TEC: variants seen among roughly 807,000 people sequenced by gnomAD.
TEC encodes tec protein tyrosine kinase, also known as tyrosine-protein kinase Tec.
Under a neutral mutation model 93.0 loss-of-function variants are expected in TEC, and 72 were observed. That is an observed-to-expected ratio of 0.77 (90% CI 0.64 to 0.94). The LOEUF (loss-of-function observed/expected upper bound fraction) is 0.94. Among genes scored for constraint, TEC ranks in the 40% least tolerant of loss-of-function variants. TEC has a pLI of 0.00. For synonymous variants in TEC, 249 were observed against 247.7 expected, an observed-to-expected ratio of 1.01 and a Z score of -0.05; for missense variants, 630 against 757.9, an observed-to-expected ratio of 0.83 and a Z score of 1.98.
intron 2 of TEC, among the ~76,000 whole-genome samples, chr4:48,195,921 C>T (rs116207298): frequency 2.3e-3 from 354 of 152,306 alleles, no homozygotes; most frequent in African/African-American, 8.3e-3. Flanking sequence ...CCAATAGCCA[C>T]GCCACTCACT....
chr4:48,240,521 T>G (rs1172696448), intron 1 of TEC, among the ~76,000 whole-genome samples: 1 of 152,024 alleles, frequency 6.6e-6, no homozygotes, highest in Non-Finnish European at 1.5e-5. Flanking sequence ...CTGCGCTACC[T>G]CTTCTCAGAC....
At chr4:48,210,348 T>C (rs765210347) in intron 2 of TEC, among the ~76,000 whole-genome samples, 3 of 151,910 alleles carry the variant, frequency 2.0e-5, no homozygotes, top group Non-Finnish European at 4.4e-5. Context: ...TTAGCAGGAA[T>C]AGTGGCACGT....
intron 2 of TEC, among the ~76,000 whole-genome samples, chr4:48,186,398 G>C (rs1351220145): frequency 9.9e-5 from 15 of 150,806 alleles, no homozygotes; most frequent in African/African-American, 3.7e-4. Flanking sequence ...CCGCCATCCC[G>C]TCTAGGAAGT....
intron 2 of TEC, among the ~76,000 whole-genome samples, chr4:48,225,683 A>G (rs6835999): frequency 0.47 from 70,718 of 151,678 alleles, 16,848 homozygotes; most frequent in East Asian, 0.58. Flanking sequence ...TTAAGAAGCC[A>G]GATTCTTACA....
At chr4:48,167,351 G>T (rs982186890) in intron 7 of TEC, among the ~76,000 whole-genome samples, 1 of 151,642 alleles carries the variant, frequency 6.6e-6, no homozygotes, top group Non-Finnish European at 1.5e-5. Flanking sequence ...GTGAGAAGAG[G>T]CTTCATTATA....
chr4:48,260,638 T>G lies in TEC; in HGVS notation c.-46+9114A>C, dbSNP rs1216253832. Among the ~76,000 whole-genome samples, 7 of 151,744 alleles carry G rather than the reference T, an allele frequency of 4.6e-5. No individual in the cohort carries two copies. In the East Asian group the frequency reaches 1.4e-3, roughly 29 times the overall value. On this transcript the variant is annotated intron_variant, in intron 1 of 17. Coordinates refer to ENST00000381501, the MANE Select transcript of TEC (RefSeq NM_003215.3). ...AAAAAAGAAAAAAAAAATCTAAGTGTCCAACAACTGGGGAGTGGCTCAAAA... is the reference window on the plus strand; with the variant it reads ...AAAAAAGAAAAAAAAAATCTAAGTGGCCAACAACTGGGGAGTGGCTCAAAA...
chr4:48,221,047 G>A (rs1723242279), intron 2 of TEC, among the ~76,000 whole-genome samples: 1 of 152,218 alleles, frequency 6.6e-6, no homozygotes, highest in Non-Finnish European at 1.5e-5. Context: ...ACAGCTCACA[G>A]AACCCAGGGA....
At chr4:48,265,597 C>T (rs1440710804) in intron 1 of TEC, among the ~76,000 whole-genome samples, 1 of 151,016 alleles carries the variant, frequency 6.6e-6, no homozygotes, top group Non-Finnish European at 1.5e-5. Context: ...ACTGCAACCT[C>T]CGCTTCCTGG....
At chr4:48,230,380 C>G (rs1157681216) in intron 1 of TEC, among the ~76,000 whole-genome samples, 3 of 152,168 alleles carry the variant, frequency 2.0e-5, no homozygotes, top group South Asian at 2.1e-4. Flanking sequence ...GGAAAGACCA[C>G]AAGGTCAGTG....
intron 1 of TEC, among the ~76,000 whole-genome samples, chr4:48,267,344 T>C (rs139440478): frequency 6.6e-6 from 1 of 152,304 alleles, no homozygotes; most frequent in Non-Finnish European, 1.5e-5. Context: ...AAATTAATTG[T>C]TACAATCCAA....
At chr4:48,165,480 A>G (rs1181293856) in intron 7 of TEC, among the ~76,000 whole-genome samples, 3 of 152,228 alleles carry the variant, frequency 2.0e-5, no homozygotes. Context: ...CTAAGAAAGA[A>G]TCATTAATGA....
At chr4:48,176,538 T>C (rs1721333629) in intron 2 of TEC, among the ~76,000 whole-genome samples, 1 of 152,052 alleles carries the variant, frequency 6.6e-6, no homozygotes, top group African/African-American at 2.4e-5. Flanking sequence ...CTGGCCAACA[T>C]GGCAAAACCC....
At chr4:48,213,175 C>T (rs550346290) in intron 2 of TEC, among the ~76,000 whole-genome samples, 62 of 152,268 alleles carry the variant, frequency 4.1e-4, no homozygotes, top group African/African-American at 1.4e-3. Flanking sequence ...AACATGTCAT[C>T]TAACTAGGTA....
At chr4:48,178,824 C>T (rs1320823435) in intron 2 of TEC, among the ~76,000 whole-genome samples, 1 of 152,182 alleles carries the variant, frequency 6.6e-6, no homozygotes, top group Non-Finnish European at 1.5e-5. Flanking sequence ...CTACTCTAAC[C>T]CTTCTCCTCT....
chr4:48,185,051 A>AAC (rs368469696), intron 2 of TEC, among the ~76,000 whole-genome samples: 21 of 149,258 alleles, frequency 1.4e-4, no homozygotes, highest in Admixed American at 6.0e-4. Context: ...GAGACTTGAA[A>AAC]ACACACACAC....
intron 1 of TEC, among the ~76,000 whole-genome samples, chr4:48,242,226 T>A (rs1227238241): frequency 6.6e-6 from 1 of 152,234 alleles, no homozygotes; most frequent in African/African-American, 2.4e-5. Context: ...TATACATAAA[T>A]CTCAATTCCA....
intron 2 of TEC, among the ~76,000 whole-genome samples, chr4:48,190,605 A>G (rs907665355): frequency 2.6e-5 from 4 of 152,222 alleles, no homozygotes; most frequent in Non-Finnish European, 4.4e-5. Context: ...AGTTATTTAA[A>G]ATTTGAGGCA....
Position 48,146,322 on chromosome 4 carries a change from T to TA in TEC, c.1081+2dup. The TA allele has an allele frequency of 6.2e-7, 1 of 1,612,894 alleles. No homozygotes were observed. The highest frequency in any genetic ancestry group is 8.5e-7 in the Non-Finnish European group (1 of 1,179,464). On this transcript the variant is annotated splice_region_variant and intron_variant, in intron 12 of 17. Coordinates refer to ENST00000381501, the MANE Select transcript of TEC (RefSeq NM_003215.3). ...GCTCATGCAACCACAAAATAAGAGTTACCATAGCTGAATCCTGCAGTGGTG... is the reference window on the plus strand; with the variant it reads ...GCTCATGCAACCACAAAATAAGAGTTAACCATAGCTGAATCCTGCAGTGGTG...
intron 5 of TEC, 26 bp from the exon 6 acceptor site, chr4:48,168,652 A>G (rs2243840): frequency 0.79 from 1,263,505 of 1,594,270 alleles, 502,252 homozygotes; most frequent in East Asian, 0.91. Flanking sequence ...ACAAAAACAG[A>G]TTAAAATGCT....
Sources: allele counts gnomAD v4.1 joint callset (sites outside exome capture counted in the v4.1 genomes callset), GRCh38; gene constraint gnomAD v4.1.1; transcripts MANE v1.5; gene names NCBI Gene and HGNC (gene_info 2026-07-23, HGNC 2026-07-21).